GRM4: variants seen among roughly 807,000 people sequenced by gnomAD.
GRM4 encodes metabotropic glutamate receptor 4.
Under a neutral mutation model 81.7 loss-of-function variants are expected in GRM4, and 28 were observed. That is an observed-to-expected ratio of 0.34 (90% confidence interval 0.25 to 0.47). The LOEUF (loss-of-function observed/expected upper bound fraction) is 0.47, where lower values mean the gene tolerates loss of function less well. GRM4 is among the 20% of genes least tolerant of loss of function. GRM4 has a pLI of 1.00. For missense variants in GRM4, 948 were observed against 1,290.0 expected, an observed-to-expected ratio of 0.73 and a Z score of 4.06; for synonymous variants, 488 against 528.8, an observed-to-expected ratio of 0.92 and a Z score of 1.06.
At chr6:34,137,418 A>G (rs1770504676) in intron 1 of GRM4, among the ~76,000 whole-genome samples, 1 of 152,208 alleles carries the variant, frequency 6.6e-6, no homozygotes, top group Non-Finnish European at 1.5e-5. Context: ...ATGGGGATGT[A>G]AGGGGAGCTG....
chr6:34,040,766 G>A lies in GRM4; in HGVS notation c.1169-18C>T, dbSNP rs758974328. On this transcript the variant is annotated intron_variant, in intron 6 of 10. Coordinates refer to ENST00000538487, the MANE Select transcript of GRM4 (RefSeq NM_000841.4). ...CTCACGGTCTGCAATGAAACACCAG[G>A]AACAGGGACACTCGTGAGGCCCACT... The A allele has an allele frequency of 1.2e-6, 2 of 1,602,174 alleles. No individual in the cohort carries two copies. The highest frequency in any genetic ancestry group is 1.7e-6 in the Non-Finnish European group (2 of 1,170,612).
chr6:34,107,961 G>T (rs1200279093), intron 2 of GRM4, among the ~76,000 whole-genome samples: 1 of 152,240 alleles, frequency 6.6e-6, no homozygotes, highest in African/African-American at 2.4e-5. Context: ...AGGGCCTGGA[G>T]CCAGGAGACA....
chr6:34,054,039 C>T (rs1765741254), intron 6 of GRM4: 2 of 152,190 alleles, frequency 1.3e-5, no homozygotes, highest in African/African-American at 2.4e-5. Flanking sequence ...TCCATTAACG[C>T]TTCACTTCCT....
intron 2 of GRM4, among the ~76,000 whole-genome samples, chr6:34,101,373 G>C (rs992066456): frequency 1.3e-5 from 2 of 152,254 alleles, no homozygotes; most frequent in Non-Finnish European, 2.9e-5. Context: ...CACACAGCTA[G>C]TGAGTGGCTG....
At chr6:34,142,903 C>A (rs965675450) in intron 1 of GRM4, among the ~76,000 whole-genome samples, 3 of 152,246 alleles carry the variant, frequency 2.0e-5, no homozygotes, top group Non-Finnish European at 4.4e-5. Context: ...CCCGCCTCCC[C>A]TCCGCCTGCT....
chr6:34,067,477 CCTCT>C (rs1241458315), intron 3 of GRM4, among the ~76,000 whole-genome samples: 1 of 140,712 alleles, frequency 7.1e-6, no homozygotes, highest in Non-Finnish European at 1.5e-5. Context: ...TCCCTCCCTC[CCTCT>C]CTTCCTTCCT....
intron 4 of GRM4, chr6:34,060,671 G>C (rs1766136658): frequency 6.6e-6 from 1 of 152,284 alleles, no homozygotes; most frequent in Non-Finnish European, 1.5e-5. Flanking sequence ...ATGGGAGTAG[G>C]GGGCAGGAAG....
At chr6:34,105,174 G>T (rs993927149) in intron 2 of GRM4, among the ~76,000 whole-genome samples, 1 of 152,148 alleles carries the variant, frequency 6.6e-6, no homozygotes, top group Non-Finnish European at 1.5e-5. Flanking sequence ...GCCGATAAAA[G>T]TCACATCACC....
intron 9 of GRM4, among the ~76,000 whole-genome samples, chr6:34,029,752 G>C (rs546757143): frequency 6.6e-6 from 1 of 152,346 alleles, no homozygotes; most frequent in Admixed American, 6.5e-5. Context: ...CGCAGGCACT[G>C]AGATGAAGGT....
intron 2 of GRM4, among the ~76,000 whole-genome samples, chr6:34,099,803 T>G (rs1768736455): frequency 6.6e-6 from 1 of 152,156 alleles, no homozygotes; most frequent in East Asian, 1.9e-4. Flanking sequence ...GGGTGGTCTT[T>G]GGGAGGAGCA....
At chr6:34,142,507 T>C (rs956038636) in intron 1 of GRM4, among the ~76,000 whole-genome samples, 5 of 152,304 alleles carry the variant, frequency 3.3e-5, no homozygotes, top group African/African-American at 1.2e-4. Flanking sequence ...CTAAGGAGCC[T>C]GTGGGTTCTG....
chr6:34,076,037 T>C (rs965276802), intron 3 of GRM4, among the ~76,000 whole-genome samples: 1 of 152,186 alleles, frequency 6.6e-6, no homozygotes, highest in Non-Finnish European at 1.5e-5. Context: ...CTCCACTCCA[T>C]GGCAGGAGCC....
At chr6:34,103,853 G>A (rs934830425) in intron 2 of GRM4, 31 of 1,420,566 alleles carry the variant, frequency 2.2e-5, no homozygotes, top group Non-Finnish European at 2.8e-5. Context: ...GTCAGGCACT[G>A]CGAGGGTCCC....
At chr6:34,097,457 G>C (rs373645900) in intron 2 of GRM4, among the ~76,000 whole-genome samples, 1,889 of 140,110 alleles carry the variant, frequency 0.013, 20 homozygotes, top group Middle Eastern at 0.044. Flanking sequence ...GTGTGCGCGC[G>C]CATGTGTGTA....
At chr6:34,139,770 A>G (rs1770602697) in intron 1 of GRM4, among the ~76,000 whole-genome samples, 1 of 152,216 alleles carries the variant, frequency 6.6e-6, no homozygotes, top group African/African-American at 2.4e-5. Context: ...CCCGGTCCAG[A>G]GTGGCACTCG....
intron 2 of GRM4, among the ~76,000 whole-genome samples, chr6:34,096,465 C>T (rs1334364621): frequency 1.3e-5 from 2 of 152,196 alleles, no homozygotes; most frequent in Non-Finnish European, 2.9e-5. Flanking sequence ...CACGTCCTCC[C>T]GGTGTTACTA....
Position 34,071,025 on chromosome 6 carries a change from A to G in GRM4, c.737-8997T>C, listed in dbSNP as rs1005541878. Among the ~76,000 whole-genome samples the G allele has an allele frequency of 9.2e-5, 14 of 151,844 alleles. 1 individual carries two copies. Among genetic ancestry groups the G allele is most frequent in the South Asian group, 4.2e-4 (2 of 4,814 alleles). On this transcript the variant is annotated intron_variant, in intron 3 of 10. Transcript: ENST00000538487. ...ACAGATCCCATAGTCCCACAGCCAC[A>G]CAGGCTCACCCAGTCATCACACAGC...
intron 2 of GRM4, among the ~76,000 whole-genome samples, chr6:34,124,046 C>A (rs1351827228): frequency 1.3e-5 from 2 of 152,214 alleles, no homozygotes; most frequent in Non-Finnish European, 2.9e-5. Context: ...ACAAGGGCTG[C>A]TCAGGGACCA....
intron 3 of GRM4, among the ~76,000 whole-genome samples, chr6:34,076,279 CCA>C (rs1767308753): frequency 6.6e-6 from 1 of 152,236 alleles, no homozygotes; most frequent in African/African-American, 2.4e-5. Flanking sequence ...CCCACCCACC[CCA>C]CCGCCACAAG....
Sources: gnomAD v4.1 joint callset for allele counts (sites outside exome capture counted in the v4.1 genomes callset) on GRCh38, gnomAD v4.1.1 for gene constraint, MANE v1.5 for transcripts, NCBI Gene and HGNC (gene_info 2026-07-23, HGNC 2026-07-21) for gene names.